Variants in HIKESHI observed in about 807,000 individuals in gnomAD.
The protein encoded by HIKESHI is heat shock protein nuclear import factor hikeshi, also known as protein Hikeshi.
In HIKESHI, 13 loss-of-function variants were observed where a neutral mutation model predicts 25.7. The observed-to-expected ratio is 0.51, with a 90% CI of 0.33 to 0.80. The LOEUF (loss-of-function observed/expected upper bound fraction) is 0.80. Among genes scored for constraint, HIKESHI ranks in the 30% least tolerant of loss-of-function variants. The pLI is 0.02. For synonymous variants in HIKESHI, 76 were observed against 78.7 expected (o/e 0.97, Z 0.18); for missense variants, 174 against 229.5 (o/e 0.76, Z 1.56).
rs544395802 is a variant in HIKESHI at position 86,308,409 on chromosome 11, G to A, written c.268+1927G>A. 5.8e-4 allele frequency among the ~76,000 whole-genome samples: 83 copies of A among 143,182 alleles called. 1 individual carries two copies. Among genetic ancestry groups the A allele is most frequent in the Middle Eastern group, 7.5e-3 (2 of 268 alleles). The allele number at this position is 143,182 out of a possible 152,430, so 93.9% of individuals were successfully genotyped here. The stretch of plus-strand genomic sequence containing the variant: ...AAAAAATATATACACACACATACAC[G>A]TGCTAAGTGAGAAGATAAACCAGAT... On this transcript the variant is annotated intron_variant, in intron 2 of 4. Coordinates refer to ENST00000278483, the MANE Select transcript of HIKESHI (RefSeq NM_016401.4).
At chr11:86,332,158 G>A (rs557085657) in intron 2 of HIKESHI, among the ~76,000 whole-genome samples, 1 of 151,930 alleles carries the variant, frequency 6.6e-6, no homozygotes, top group Non-Finnish European at 1.5e-5. Flanking sequence ...TAGAGACGGG[G>A]TTTCACAGTG....
intron 2 of HIKESHI, among the ~76,000 whole-genome samples, chr11:86,311,352 G>A (rs1452536791): frequency 1.3e-5 from 2 of 152,198 alleles, no homozygotes; most frequent in Non-Finnish European, 2.9e-5. Flanking sequence ...TTGCGTAGAG[G>A]TGTTTATAGT....
At chr11:86,326,691 G>C (rs369484740) in intron 2 of HIKESHI, 3 of 375,030 alleles carry the variant, frequency 8.0e-6, no homozygotes, top group Non-Finnish European at 1.6e-5. Flanking sequence ...GATTTGGATG[G>C]GATGGAAGTG....
chr11:86,337,380 A>C lies in HIKESHI; in HGVS notation c.270A>C (p.Gly90=). 6.2e-7 allele frequency: 1 copy of C among 1,611,252 alleles called. No homozygotes were observed. The highest frequency in any genetic ancestry group is 1.1e-5 in the South Asian group (1 of 90,168). ...AIFKISGLKS[G]EGSQHPFGAM... Reference sequence around the variant, plus strand: ...GTGTCATATGTTAATTTCTTGCAGGAGAAGGAAGCCAACATCCTTTTGGAG... The same window carrying C: ...GTGTCATATGTTAATTTCTTGCAGGCGAAGGAAGCCAACATCCTTTTGGAG... The change falls in exon 3 of 5, where the codon GGA becomes GGC. Residue 90 remains glycine (G), a splice_region_variant and synonymous_variant. Transcript: ENST00000278483.
chr11:86,317,648 T>C (rs1173268399), intron 2 of HIKESHI, among the ~76,000 whole-genome samples: 1 of 151,810 alleles, frequency 6.6e-6, no homozygotes, highest in East Asian at 1.9e-4. Flanking sequence ...GTACTAAAAA[T>C]ACAAAAAATT....
intron 2 of HIKESHI, among the ~76,000 whole-genome samples, chr11:86,311,221 A>G: frequency 6.6e-6 from 1 of 152,100 alleles, no homozygotes; most frequent in Admixed American, 6.6e-5. Context: ...GCTATTAATT[A>G]TTGCCTCAAT....
At chr11:86,318,288 A>ACTGGAGT (rs376969196) in intron 2 of HIKESHI, among the ~76,000 whole-genome samples, 1 of 140,122 alleles carries the variant, frequency 7.1e-6, no homozygotes, top group East Asian at 2.2e-4. Flanking sequence ...TGGGCGACAG[A>ACTGGAGT]GCAAGACTCC....
At chr11:86,321,178 C>T (rs1947137855) in intron 2 of HIKESHI, among the ~76,000 whole-genome samples, 1 of 152,120 alleles carries the variant, frequency 6.6e-6, no homozygotes, top group African/African-American at 2.4e-5. Flanking sequence ...TGTGATCCAC[C>T]CGCCTTGGCC....
At chr11:86,318,551 A>G (rs991998356) in intron 2 of HIKESHI, among the ~76,000 whole-genome samples, 13 of 152,042 alleles carry the variant, frequency 8.6e-5, no homozygotes, top group Non-Finnish European at 1.3e-4. Context: ...AACAATGGCC[A>G]AAGACAATAT....
intron 2 of HIKESHI, among the ~76,000 whole-genome samples, chr11:86,308,051 CATATA>C (rs1183987181): frequency 8.2e-6 from 1 of 121,522 alleles, no homozygotes; most frequent in African/African-American, 3.3e-5. Context: ...ATATAAATTA[CATATA>C]ATATATAATA....
At chr11:86,327,994 T>C (rs537518357) in intron 2 of HIKESHI, among the ~76,000 whole-genome samples, 15 of 152,274 alleles carry the variant, frequency 9.9e-5, no homozygotes, top group African/African-American at 3.6e-4. Context: ...TTAGTAAAGA[T>C]ACAGTGTACT....
chr11:86,321,749 C>G (rs1009780169), intron 2 of HIKESHI, among the ~76,000 whole-genome samples: 1 of 152,084 alleles, frequency 6.6e-6, no homozygotes, highest in Non-Finnish European at 1.5e-5. Context: ...AAGCTGGTCT[C>G]GAACTCCTGA....
rs748066947 is a variant in HIKESHI at position 86,306,519 on chromosome 11, C to T, written c.268+37C>T. 9 of 1,300,950 alleles carry T rather than the reference C, an allele frequency of 6.9e-6. No individual in the cohort carries two copies. The South Asian group carries it at 1.1e-4, about 16-fold the overall frequency. 80.6% of individuals were successfully genotyped at this position (1,300,950 alleles called of 1,614,324 possible). Reference sequence around the variant, plus strand: ...ATATTAAAGTAGTTTTATAATTAATCAAACTTTTTTCTTAAATAGCATAAC... The same window carrying T: ...ATATTAAAGTAGTTTTATAATTAATTAAACTTTTTTCTTAAATAGCATAAC... On this transcript the variant is annotated intron_variant, in intron 2 of 4. Transcript: ENST00000278483.
chr11:86,336,480 C>G (rs1304394101), intron 2 of HIKESHI, among the ~76,000 whole-genome samples: 1 of 152,080 alleles, frequency 6.6e-6, no homozygotes, highest in African/African-American at 2.4e-5. Flanking sequence ...GATCACTTGC[C>G]CTACTACCAC....
intron 1 of HIKESHI, chr11:86,303,328 A>T (rs1946542691): frequency 1.3e-6 from 1 of 787,552 alleles, no homozygotes; most frequent in African/African-American, 1.9e-5. Context: ...TCAAGTTTTG[A>T]TAATGTATTG....
intron 2 of HIKESHI, among the ~76,000 whole-genome samples, chr11:86,328,434 G>GTT (rs533776972): frequency 2.0e-4 from 27 of 133,010 alleles, no homozygotes; most frequent in Non-Finnish European, 2.0e-4. Context: ...AATGTTTTTT[G>GTT]TTTTTTTTTT....
chr11:86,327,888 A>C (rs1326775546), intron 2 of HIKESHI, among the ~76,000 whole-genome samples: 1 of 152,190 alleles, frequency 6.6e-6, no homozygotes, highest in Non-Finnish European at 1.5e-5. Context: ...AGTGGAACTA[A>C]GTTCCTGGAT....
chr11:86,337,532 TA>T lies in HIKESHI; in HGVS notation c.420+4del. On this transcript the variant is annotated splice_donor_region_variant and intron_variant, in intron 3 of 4. Transcript: ENST00000278483. ...TCCTCAGTTGACTCATTCACTCAGG[TA>T]ATGCAACATACATTTCATTCTTTAC... The T allele has an allele frequency of 1.9e-6, 3 of 1,610,740 alleles. No individual in the cohort carries two copies. Among genetic ancestry groups the T allele is most frequent in the Non-Finnish European group, 2.5e-6 (3 of 1,178,904 alleles).
chr11:86,306,503 T>A, intron 2 of HIKESHI, 21 bp downstream of exon 2: 1 of 1,418,872 alleles, frequency 7.0e-7, no homozygotes, highest in Non-Finnish European at 9.8e-7. Context: ...TATATTAAAG[T>A]AGTTTTATAA....
Sources: allele counts gnomAD v4.1 joint callset (sites outside exome capture counted in the v4.1 genomes callset), GRCh38; gene constraint gnomAD v4.1.1; transcripts MANE v1.5; gene names NCBI Gene and HGNC (gene_info 2026-07-23, HGNC 2026-07-21).